The following YEATS2 variants were observed in gnomAD, a reference collection of about 807,000 sequenced individuals.
YEATS2 encodes YEATS domain containing 2.
YEATS2 carries 77 observed loss-of-function variants against 163.2 expected under a neutral mutation model. The observed-to-expected ratio is 0.47, with a 90% CI of 0.39 to 0.57. The LOEUF (loss-of-function observed/expected upper bound fraction) is 0.57. YEATS2 is among the 20% of genes least tolerant of loss of function. YEATS2 has a pLI of 0.00. For missense variants in YEATS2, 1,549 were observed against 1,729.8 expected (o/e 0.90, Z 1.85); for synonymous variants, 631 against 645.1 (o/e 0.98, Z 0.33).
intron 15 of YEATS2, among the ~76,000 whole-genome samples, chr3:183,769,988 G>C (rs1361198103): frequency 6.6e-6 from 1 of 151,704 alleles, no homozygotes; most frequent in Non-Finnish European, 1.5e-5. Context: ...CCCAGCCAAG[G>C]GACTGTTTTC....
chr3:183,802,737 C>T (rs1560335499), intron 25 of YEATS2: 1 of 152,366 alleles, frequency 6.6e-6, no homozygotes, highest in African/African-American at 2.4e-5. Flanking sequence ...TGAGACCTGC[C>T]TGGTCAACAT....
intron 1 of YEATS2, among the ~76,000 whole-genome samples, chr3:183,701,154 T>A (rs1050602476): frequency 2.6e-5 from 4 of 151,074 alleles, no homozygotes; most frequent in African/African-American, 9.7e-5. Flanking sequence ...CAATCTCAGC[T>A]CTCTGCAAGC....
At position 183,762,261 on chromosome 3, in the gene YEATS2, A is replaced by G; in HGVS notation, c.1929A>G (p.Ala643=). 6.2e-7 allele frequency: 1 copy of G among 1,604,244 alleles called. No homozygotes were observed. Among genetic ancestry groups the G allele is most frequent in the Non-Finnish European group, 8.5e-7 (1 of 1,172,800 alleles). Residue 643 remains alanine, a synonymous_variant, in exon 15 of 31, where the codon GCA becomes GCG. Transcript: ENST00000305135. ...ITPGEGIAQS[A]KVQPSKVVGV... is the part of the protein sequence containing the mutation. ...CTGGAGAAGGGATTGCCCAGTCAGC[A>G]AAGGTTCAGCCCTCCAAGGTTTGTG...
At chr3:183,741,454 G>C (rs1450743455) in intron 8 of YEATS2, among the ~76,000 whole-genome samples, 1 of 152,110 alleles carries the variant, frequency 6.6e-6, no homozygotes, top group African/African-American at 2.4e-5. Context: ...TCAAAATATT[G>C]TTGCTCATTG....
chr3:183,743,409 G>A (rs1412030616), intron 8 of YEATS2, among the ~76,000 whole-genome samples: 3 of 151,806 alleles, frequency 2.0e-5, no homozygotes, highest in African/African-American at 4.8e-5. Context: ...GCGTGATCAC[G>A]GCTCACTGCA....
At chr3:183,806,240 TGAG>T (rs1425846888) in intron 27 of YEATS2, 9 of 453,834 alleles carry the variant, frequency 2.0e-5, no homozygotes, top group Middle Eastern at 8.5e-4. Context: ...CATCATAACT[TGAG>T]GAGCAGCTGG....
At chr3:183,702,908 A>G (rs1714257700) in intron 1 of YEATS2, among the ~76,000 whole-genome samples, 2 of 152,132 alleles carry the variant, frequency 1.3e-5, no homozygotes, top group South Asian at 4.1e-4. Context: ...AAGCAGTGGC[A>G]TGGATAATTT....
intron 1 of YEATS2, among the ~76,000 whole-genome samples, chr3:183,703,511 C>T (rs995566358): frequency 6.6e-6 from 1 of 152,128 alleles, no homozygotes; most frequent in East Asian, 1.9e-4. Context: ...GATAACTTCT[C>T]GTTCCTTCTG....
chr3:183,741,327 C>G (rs1185836958), intron 8 of YEATS2, among the ~76,000 whole-genome samples: 2 of 152,150 alleles, frequency 1.3e-5, no homozygotes, highest in African/African-American at 2.4e-5. Flanking sequence ...TCTACTCTGC[C>G]TCTGCTTTAT....
At chr3:183,786,617 A>G (rs1270135991) in intron 20 of YEATS2, among the ~76,000 whole-genome samples, 1 of 152,082 alleles carries the variant, frequency 6.6e-6, no homozygotes, top group African/African-American at 2.4e-5. Flanking sequence ...CCGCTGACCT[A>G]CTTTCTTTGG....
intron 13 of YEATS2, among the ~76,000 whole-genome samples, 183 bp downstream of exon 13, chr3:183,759,148 G>A (rs896014329): frequency 1.3e-5 from 2 of 152,146 alleles, no homozygotes; most frequent in African/African-American, 4.8e-5. Context: ...GCTGCACCCC[G>A]CCACTTTGCC....
intron 21 of YEATS2, among the ~76,000 whole-genome samples, chr3:183,791,826 A>G (rs1233349128): frequency 1.3e-5 from 2 of 152,232 alleles, no homozygotes; most frequent in African/African-American, 2.4e-5. Context: ...AGAGGGCCTC[A>G]GAAAAGTGTA....
At position 183,754,238 on chromosome 3, in the gene YEATS2, C is replaced by A. The variant is rs1305244372; in HGVS notation, c.1263C>A (p.Ser421=). 2.5e-6 allele frequency: 4 copies of A among 1,614,082 alleles called. No individual in the cohort carries two copies. The change falls in exon 11 of 31, where the codon TCC becomes TCA. Residue 421 remains serine (S), a synonymous_variant. Coordinates refer to ENST00000305135, the MANE Select transcript of YEATS2 (RefSeq NM_018023.5). ...CATCCCAGAAAGTTACCTTTTGTTC[C>A]CATGGCAATTCAGCTTTCCAGCCAA... ...MTTSQKVTFC[S]HGNSAFQPIA...
intron 27 of YEATS2, chr3:183,806,521 T>C (rs148882226): frequency 2.0e-4 from 85 of 433,350 alleles, no homozygotes; most frequent in African/African-American, 1.4e-3. Context: ...TCACTCTGCA[T>C]TTCTAAATTT....
chr3:183,788,475 G>A (rs1344239056), intron 20 of YEATS2, among the ~76,000 whole-genome samples: 2 of 152,132 alleles, frequency 1.3e-5, no homozygotes, highest in African/African-American at 2.4e-5. Flanking sequence ...GCAAATGACA[G>A]GATTTCATTC....
chr3:183,806,774 TC>T, intron 27 of YEATS2, 91 bp from the exon 28 acceptor site: 1 of 1,317,478 alleles, frequency 7.6e-7, no homozygotes, highest in Non-Finnish European at 1.1e-6. Context: ...CTGATGCTTA[TC>T]CCCCTTCCTC....
chr3:183,791,076 C>T, intron 21 of YEATS2, 96 bp downstream of exon 21: 1 of 1,478,350 alleles, frequency 6.8e-7, no homozygotes, highest in Non-Finnish European at 9.2e-7. Context: ...CTCTGTCGCC[C>T]AAGCTAGAGT....
chr3:183,729,179 G>A (rs1054613447), intron 7 of YEATS2, among the ~76,000 whole-genome samples: 3 of 152,086 alleles, frequency 2.0e-5, no homozygotes, highest in African/African-American at 7.2e-5. Flanking sequence ...GGCTGAGGCA[G>A]GAGAATGGCG....
intron 21 of YEATS2, chr3:183,793,520 G>A: frequency 1.1e-6 from 1 of 894,594 alleles, no homozygotes; most frequent in Non-Finnish European, 1.3e-6. Flanking sequence ...TCATGTTTTT[G>A]GCATGCAATA....
Sources: gnomAD v4.1 joint callset for allele counts (sites outside exome capture counted in the v4.1 genomes callset) on GRCh38, gnomAD v4.1.1 for gene constraint, MANE v1.5 for transcripts, NCBI Gene and HGNC (gene_info 2026-07-23, HGNC 2026-07-21) for gene names.